KALRN: variants seen among roughly 807,000 people sequenced by gnomAD.
KALRN encodes kalirin RhoGEF kinase.
KALRN carries 70 observed loss-of-function variants against 353.7 expected under a neutral mutation model. The ratio of observed to expected loss-of-function variants is 0.20; its 90% CI spans 0.16 to 0.24. KALRN has a LOEUF of 0.24. Among genes scored for constraint, KALRN ranks in the 10% least tolerant of loss-of-function variants. The pLI is 1.00. For synonymous variants in KALRN, 1,391 were observed against 1,434.8 expected (o/e 0.97, Z 0.69); for missense variants, 2,791 against 3,756.7 (o/e 0.74, Z 6.72).
chr3:124,051,726 G>A (rs892489101), intron 1 of KALRN, among the ~76,000 whole-genome samples: 2 of 152,226 alleles, frequency 1.3e-5, no homozygotes, highest in Non-Finnish European at 2.9e-5. Flanking sequence ...GCTAGGGGCT[G>A]TGAGCAGTAT....
At chr3:124,510,008 GAACT>G (rs2065708935) in intron 33 of KALRN, among the ~76,000 whole-genome samples, 3 of 152,150 alleles carry the variant, frequency 2.0e-5, no homozygotes, top group Admixed American at 2.0e-4. Flanking sequence ...GCTGATGGAG[GAACT>G]AACTCCAATA....
chr3:124,675,478 C>T (rs1239271607), intron 49 of KALRN: 1 of 148,108 alleles, frequency 6.8e-6, no homozygotes, highest in African/African-American at 2.5e-5. Context: ...CTTGGACTTT[C>T]AAATGTGCAA....
At chr3:124,607,338 G>A (rs1207720039) in intron 34 of KALRN, among the ~76,000 whole-genome samples, 1 of 152,162 alleles carries the variant, frequency 6.6e-6, no homozygotes, top group East Asian at 1.9e-4. Flanking sequence ...CAAACTGTGT[G>A]TCTATGTGGG....
chr3:124,516,385 A>G (rs1156572875), intron 33 of KALRN, among the ~76,000 whole-genome samples: 1 of 152,190 alleles, frequency 6.6e-6, no homozygotes, highest in Non-Finnish European at 1.5e-5. Context: ...GGGCAATGGT[A>G]TTACCCACTC....
At chr3:124,565,418 T>C (rs1284481604) in intron 34 of KALRN, among the ~76,000 whole-genome samples, 6 of 152,128 alleles carry the variant, frequency 3.9e-5, no homozygotes, top group Non-Finnish European at 8.8e-5. Context: ...AGAAGGTAGA[T>C]TGTGAGGGTA....
intron 3 of KALRN, among the ~76,000 whole-genome samples, chr3:124,242,390 C>T (rs1198532215): frequency 1.3e-5 from 2 of 152,230 alleles, no homozygotes; most frequent in Non-Finnish European, 2.9e-5. Flanking sequence ...TACTGGCACA[C>T]AGTCAGTATG....
At chr3:124,557,863 C>T (rs1011313510) in intron 33 of KALRN, among the ~76,000 whole-genome samples, 2 of 152,092 alleles carry the variant, frequency 1.3e-5, no homozygotes, top group Admixed American at 6.5e-5. Flanking sequence ...AGTTAGAAGG[C>T]TCAGTTGGCA....
intron 52 of KALRN, among the ~76,000 whole-genome samples, 187 bp downstream of exon 52, chr3:124,694,018 GT>G (rs2061944431): frequency 6.6e-6 from 1 of 152,198 alleles, no homozygotes; most frequent in Admixed American, 6.5e-5. Context: ...TGGGATCCAA[GT>G]TTTATAAGAA....
intron 21 of KALRN, among the ~76,000 whole-genome samples, chr3:124,448,074 G>A (rs755071009): frequency 7.9e-5 from 12 of 152,196 alleles, no homozygotes; most frequent in Non-Finnish European, 1.8e-4. Context: ...AGATCCATTG[G>A]TGTTCCTGTC....
chr3:124,045,129 A>G (rs1328424135), intron 1 of KALRN, among the ~76,000 whole-genome samples: 1 of 152,104 alleles, frequency 6.6e-6, no homozygotes, highest in Non-Finnish European at 1.5e-5. Flanking sequence ...CAGTGGGCCT[A>G]GAAGGGGACC....
intron 34 of KALRN, among the ~76,000 whole-genome samples, chr3:124,565,651 G>A (rs181679632): frequency 6.6e-6 from 1 of 152,308 alleles, no homozygotes; most frequent in East Asian, 1.9e-4. Flanking sequence ...GGTGTGGGTC[G>A]TTTTCATCAG....
intron 58 of KALRN, among the ~76,000 whole-genome samples, chr3:124,715,704 G>A (rs1381540213): frequency 6.6e-6 from 1 of 152,362 alleles, no homozygotes; most frequent in Non-Finnish European, 1.5e-5. Flanking sequence ...GGGGATTTCA[G>A]CTGTAACTGA....
chr3:124,530,169 T>C (rs759435624), intron 33 of KALRN, among the ~76,000 whole-genome samples: 2 of 152,202 alleles, frequency 1.3e-5, no homozygotes, highest in Non-Finnish European at 2.9e-5. Context: ...TAATGAGCTT[T>C]AGGACTGTTC....
chr3:124,642,805 C>CATT (rs1553707012), intron 37 of KALRN, among the ~76,000 whole-genome samples: 3 of 102,538 alleles, frequency 2.9e-5, no homozygotes, highest in Admixed American at 2.3e-4. Context: ...TCCCAAGCCT[C>CATT]GTTTTTTTTT....
At chr3:124,481,830 A>T (rs1308237792) in intron 27 of KALRN, among the ~76,000 whole-genome samples, 4 of 151,914 alleles carry the variant, frequency 2.6e-5, no homozygotes, top group Non-Finnish European at 5.9e-5. Flanking sequence ...ATCTCTACTA[A>T]CCACCCGGCC....
chr3:124,686,181 G>A (rs746042850), intron 51 of KALRN, among the ~76,000 whole-genome samples: 1 of 152,154 alleles, frequency 6.6e-6, no homozygotes. Flanking sequence ...GATTAATCCT[G>A]CCTGGAGCCA....
intron 21 of KALRN, among the ~76,000 whole-genome samples, chr3:124,450,378 C>T (rs764179092): frequency 6.6e-6 from 1 of 152,118 alleles, no homozygotes; most frequent in Non-Finnish European, 1.5e-5. Flanking sequence ...CTTAATTCAT[C>T]TTGACAAAAG....
At chr3:124,260,709 TG>T (rs34066233) in intron 3 of KALRN, among the ~76,000 whole-genome samples, 19 of 150,086 alleles carry the variant, frequency 1.3e-4, no homozygotes, top group Non-Finnish European at 1.8e-4. Flanking sequence ...GTGGAGGGGG[TG>T]GGGTGTGCAA....
chr3:124,700,020 A>G lies in KALRN; in HGVS notation c.7983A>G (p.Arg2661=), dbSNP rs1303396122. 1 of 1,614,036 alleles carries G rather than the reference A, an allele frequency of 6.2e-7. No individual in the cohort carries two copies. Among genetic ancestry groups the G allele is most frequent in the East Asian group, 2.2e-5 (1 of 44,878 alleles). ...SLPSEPSEFV[R]LPEYDAAADG... ...CCAGCGAGCCCTCGGAGTTTGTGCG[A>G]CTTCCAGAATATGGTGAGTCCCAGC... The change falls in exon 56 of 60, where the codon CGA becomes CGG. Residue 2661 remains arginine, a synonymous_variant. Transcript: ENST00000682506.
Sources: gnomAD v4.1 joint callset for allele counts (sites outside exome capture counted in the v4.1 genomes callset) on GRCh38, gnomAD v4.1.1 for gene constraint, MANE v1.5 for transcripts, NCBI Gene and HGNC (gene_info 2026-07-23, HGNC 2026-07-21) for gene names.